Variants in ASAP1 observed in about 807,000 individuals in gnomAD.
ASAP1 encodes the protein ArfGAP with SH3 domain, ankyrin repeat and PH domain 1, also known as arf-GAP with SH3 domain, ANK repeat and PH domain-containing protein 1.
Under a neutral mutation model 145.2 loss-of-function variants are expected in ASAP1, and 43 were observed. The observed-to-expected ratio is 0.30, with a 90% CI of 0.23 to 0.38. ASAP1 has a LOEUF of 0.38. ASAP1 is among the 10% of genes least tolerant of loss of function. The probability of loss-of-function intolerance (pLI) is 1.00; values close to 1 mark genes in which losing one functional copy is unlikely to be tolerated. For missense variants in ASAP1, 1,018 were observed against 1,355.3 expected (o/e 0.75, Z 3.91); for synonymous variants, 546 against 515.5 (o/e 1.06, Z -0.80).
At chr8:130,276,728 A>ACACACACTCTCTCTCTCTCTCTCTCTCT (rs548512902) in intron 3 of ASAP1, among the ~76,000 whole-genome samples, 4 of 87,314 alleles carry the variant, frequency 4.6e-5, no homozygotes, top group Non-Finnish European at 8.8e-5. Flanking sequence ...ACACACACAC[A>ACACACACTCTCTCTCTCTCTCTCTCTCT]CTCTCTCTCT....
At chr8:130,424,474 C>T (rs1379275654) in intron 1 of ASAP1, among the ~76,000 whole-genome samples, 1 of 152,198 alleles carries the variant, frequency 6.6e-6, no homozygotes, top group Non-Finnish European at 1.5e-5. Context: ...TTGCTCTTCC[C>T]TTCAAAAAGC....
chr8:130,292,189 T>C (rs1275737194), intron 3 of ASAP1, among the ~76,000 whole-genome samples: 1 of 152,204 alleles, frequency 6.6e-6, no homozygotes, highest in Non-Finnish European at 1.5e-5. Flanking sequence ...AAAGTCTGAA[T>C]CATGCATACA....
intron 2 of ASAP1, among the ~76,000 whole-genome samples, chr8:130,367,587 C>T (rs925654083): frequency 3.3e-5 from 5 of 152,186 alleles, no homozygotes; most frequent in African/African-American, 1.2e-4. Flanking sequence ...TCACCTCCCT[C>T]GGCCTCATTT....
At chr8:130,372,022 A>G (rs1827236310) in intron 2 of ASAP1, among the ~76,000 whole-genome samples, 1 of 152,230 alleles carries the variant, frequency 6.6e-6, no homozygotes, top group Non-Finnish European at 1.5e-5. Context: ...TTGGGATTGT[A>G]TATTTAAGAG....
intron 2 of ASAP1, among the ~76,000 whole-genome samples, chr8:130,369,104 C>G (rs1449705110): frequency 1.3e-5 from 2 of 152,164 alleles, no homozygotes; most frequent in African/African-American, 4.8e-5. Context: ...AGATAATACA[C>G]ATAACAGAAT....
rs768737004 is a variant in ASAP1 at position 130,267,123 on chromosome 8, C to A, written c.187-30129G>T. ...GTCTCAAAACAAACAAACAAACAAACAAAAAAAAAACAAAACAAAAAACAA... is the reference window on the plus strand; with the variant it reads ...GTCTCAAAACAAACAAACAAACAAAAAAAAAAAAAACAAAACAAAAAACAA... On this transcript the variant is annotated intron_variant, in intron 3 of 29. Coordinates refer to ENST00000518721, the MANE Select transcript of ASAP1 (RefSeq NM_018482.4). 8.1e-3 allele frequency among the ~76,000 whole-genome samples: 838 copies of A among 103,744 alleles called. 6 individuals carry two copies. Among genetic ancestry groups the A allele is most frequent in the African/African-American group, 0.012 (414 of 35,704 alleles). 68.1% of individuals were successfully genotyped at this position (103,744 alleles called of 152,430 possible). A position where few individuals can be genotyped will look rare whatever the true frequency, so the allele number is the denominator to read the frequency against.
intron 25 of ASAP1, chr8:130,084,479 G>A (rs562705416): frequency 1.3e-5 from 2 of 152,364 alleles, no homozygotes; most frequent in South Asian, 2.1e-4. Flanking sequence ...GCAGGCAATG[G>A]AAGAAGTGTG....
chr8:130,276,757 CT>C (rs1820931356), intron 3 of ASAP1, among the ~76,000 whole-genome samples: 40 of 150,722 alleles, frequency 2.7e-4, no homozygotes, highest in African/African-American at 3.2e-4. Flanking sequence ...CTCTCTCTCT[CT>C]CTCCTCTAAC....
At chr8:130,214,878 C>T (rs1816800748) in intron 4 of ASAP1, among the ~76,000 whole-genome samples, 177 bp from the exon 5 acceptor site, 1 of 152,058 alleles carries the variant, frequency 6.6e-6, no homozygotes, top group Non-Finnish European at 1.5e-5. Flanking sequence ...ACTCACTCTA[C>T]TAAGGAAGAT....
At chr8:130,166,978 A>C (rs1277175846) in intron 11 of ASAP1, among the ~76,000 whole-genome samples, 1 of 152,174 alleles carries the variant, frequency 6.6e-6, no homozygotes, top group Non-Finnish European at 1.5e-5. Flanking sequence ...TATGCTCCTG[A>C]AGTGCATGTC....
At chr8:130,407,875 G>A (rs1829104508) in intron 1 of ASAP1, among the ~76,000 whole-genome samples, 1 of 152,198 alleles carries the variant, frequency 6.6e-6, no homozygotes, top group Non-Finnish European at 1.5e-5. Flanking sequence ...AAACTCTTGA[G>A]TCATCTGCAG....
rs530653142 is a variant in ASAP1 at position 130,203,836 on chromosome 8, C to T, written c.405+10720G>A. Among the ~76,000 whole-genome samples the T allele has an allele frequency of 2.6e-5, 4 of 152,360 alleles. No homozygotes were observed. The East Asian group carries it at 7.7e-4, about 29-fold the overall frequency. On this transcript the variant is annotated intron_variant, in intron 5 of 29. Coordinates refer to ENST00000518721, the MANE Select transcript of ASAP1 (RefSeq NM_018482.4). ...GGAGGCTTCTGGGACAAAGATCATGCAGACAGAAGGCTGTTAATTCTCTCC... is the reference window on the plus strand; with the variant it reads ...GGAGGCTTCTGGGACAAAGATCATGTAGACAGAAGGCTGTTAATTCTCTCC...
intron 14 of ASAP1, among the ~76,000 whole-genome samples, chr8:130,135,297 C>G (rs768544473): frequency 1.4e-4 from 21 of 152,100 alleles, no homozygotes; most frequent in Admixed American, 2.6e-4. Flanking sequence ...TCGAGACCAG[C>G]TTCAGCAACA....
At chr8:130,374,394 G>A (rs1420140627) in intron 2 of ASAP1, among the ~76,000 whole-genome samples, 3 of 152,206 alleles carry the variant, frequency 2.0e-5, no homozygotes, top group Non-Finnish European at 4.4e-5. Flanking sequence ...ATAGGGCTGG[G>A]ACCAGTGGCT....
chr8:130,208,425 TCC>T (rs1816365924), intron 5 of ASAP1, among the ~76,000 whole-genome samples: 6 of 152,218 alleles, frequency 3.9e-5, no homozygotes, highest in African/African-American at 1.4e-4. Context: ...CTGCTCCCTT[TCC>T]TAACCGCTGG....
At chr8:130,418,779 T>C (rs1404976294) in intron 1 of ASAP1, among the ~76,000 whole-genome samples, 1 of 149,408 alleles carries the variant, frequency 6.7e-6, no homozygotes, top group Non-Finnish European at 1.5e-5. Context: ...AATAGGAGTT[T>C]TTTTTTTTTT....
intron 3 of ASAP1, among the ~76,000 whole-genome samples, chr8:130,271,374 G>A (rs1485329902): frequency 1.3e-5 from 2 of 152,202 alleles, no homozygotes; most frequent in African/African-American, 4.8e-5. Flanking sequence ...TGCACTGCTT[G>A]TAGGCCACAC....
intron 4 of ASAP1, among the ~76,000 whole-genome samples, chr8:130,215,514 C>G (rs964261177): frequency 2.0e-5 from 3 of 151,970 alleles, no homozygotes; most frequent in Non-Finnish European, 4.4e-5. Context: ...GAGGCCAAGG[C>G]GGGCCGATCA....
chr8:130,436,586 C>T (rs1830320540), intron 1 of ASAP1, among the ~76,000 whole-genome samples: 1 of 152,198 alleles, frequency 6.6e-6, no homozygotes, highest in Admixed American at 6.5e-5. Context: ...GTTGGGCTTA[C>T]ATGCATGAGC....
Sources: gnomAD v4.1 joint callset for allele counts (sites outside exome capture counted in the v4.1 genomes callset) on GRCh38, gnomAD v4.1.1 for gene constraint, MANE v1.5 for transcripts, NCBI Gene and HGNC (gene_info 2026-07-23, HGNC 2026-07-21) for gene names.